UBA2: variants seen among roughly 807,000 people sequenced by gnomAD.
The protein encoded by UBA2 is SUMO-activating enzyme subunit 2.
In UBA2, 11 loss-of-function variants were observed where a neutral mutation model predicts 77.2. The observed-to-expected ratio is 0.14, with a 90% CI of 0.09 to 0.24. UBA2 has a LOEUF of 0.24. Ranked by LOEUF, UBA2 falls within the 10% of genes least tolerant of loss-of-function variation. The probability of loss-of-function intolerance (pLI) is 1.00; values close to 1 mark genes in which losing one functional copy is unlikely to be tolerated. For missense variants in UBA2, 487 were observed against 781.7 expected (o/e 0.62, Z 4.50); for synonymous variants, 278 against 276.7 (o/e 1.00, Z -0.05).
intron 4 of UBA2, among the ~76,000 whole-genome samples, 197 bp downstream of exon 4, chr19:34,433,609 T>C (rs1460307357): frequency 6.6e-6 from 1 of 152,236 alleles, no homozygotes; most frequent in African/African-American, 2.4e-5. Flanking sequence ...TTAGCTATCA[T>C]ATTCTCTGCA....
intron 10 of UBA2, 65 bp from the exon 11 acceptor site, chr19:34,454,195 G>A (rs1348300780): frequency 1.5e-6 from 2 of 1,356,478 alleles, no homozygotes; most frequent in Non-Finnish European, 2.1e-6. Flanking sequence ...GTATTGTTCT[G>A]AAAGTAATGC....
At chr19:34,437,794 C>T (rs1423031251) in intron 5 of UBA2, among the ~76,000 whole-genome samples, 1 of 152,128 alleles carries the variant, frequency 6.6e-6, no homozygotes. Flanking sequence ...TGGCTCACGC[C>T]TGTAATCCCA....
rs375062800 is a variant in UBA2 at position 34,452,016 on chromosome 19, C to T, written c.907C>T (p.Pro303Ser). The change falls in exon 10 of 17, where the codon CCC becomes TCC. Residue 303 changes from proline (P) to serine (S), a missense_variant. Transcript: ENST00000246548. ...GAATGCATCAGATCAACAGAATGAA[C>T]CCCAGTTAGGCCTGAAAGACCAGCA... is the stretch of plus-strand genomic sequence containing the variant. ...ETNASDQQNE[P>S]QLGLKDQQVL... 15 of 1,598,910 alleles carry T rather than the reference C, an allele frequency of 9.4e-6. No homozygotes were observed. In the African/African-American group the frequency reaches 1.9e-4, roughly 20 times the overall value.
At chr19:34,448,246 G>T (rs2075452557) in intron 8 of UBA2, among the ~76,000 whole-genome samples, 1 of 152,118 alleles carries the variant, frequency 6.6e-6, no homozygotes. Flanking sequence ...ACTGGAACAT[G>T]GAGGAGTAGA....
chr19:34,461,974 C>T (rs2075636456), intron 14 of UBA2, among the ~76,000 whole-genome samples: 1 of 152,198 alleles, frequency 6.6e-6, no homozygotes, highest in Admixed American at 6.5e-5. Context: ...GAATGAACAT[C>T]TGTCTACAAA....
intron 15 of UBA2, among the ~76,000 whole-genome samples, chr19:34,465,734 G>T (rs572109093): frequency 4.4e-4 from 67 of 152,120 alleles, no homozygotes; most frequent in African/African-American, 1.6e-3. Context: ...TCCTGCTTCA[G>T]TTGGACACTA....
At position 34,466,967 on chromosome 19, in the gene UBA2, G is replaced by C; in HGVS notation, c.1694G>C (p.Ser565Thr). The C allele has an allele frequency of 1.9e-6, 3 of 1,614,112 alleles. No individual in the cohort carries two copies. The highest frequency in any genetic ancestry group is 2.5e-6 in the Non-Finnish European group (3 of 1,180,024). Reference protein sequence around the residue: ...GPKQAEDAAKSITNGSDDGAQ... With the variant: ...GPKQAEDAAKTITNGSDDGAQ... ...AAACAAGCTGAAGATGCTGCCAAAAGCATAACCAATGGCAGTGATGATGGA... is the reference window on the plus strand; with the variant it reads ...AAACAAGCTGAAGATGCTGCCAAAACCATAACCAATGGCAGTGATGATGGA... The change falls in exon 16 of 17, where the codon AGC (serine) becomes ACC (threonine). Residue 565 changes from serine (S) to threonine (T), a missense_variant. By Grantham distance (58) the Ser-to-Thr change is moderately conservative. Transcript: ENST00000246548.
intron 7 of UBA2, 99 bp from the exon 8 acceptor site, chr19:34,444,901 A>T (rs2075411886): frequency 7.8e-7 from 1 of 1,280,204 alleles, no homozygotes; most frequent in Admixed American, 2.4e-5. Flanking sequence ...GCATTTGGGG[A>T]TTTCCATGAG....
At position 34,469,297 on chromosome 19, in the gene UBA2, C is replaced by G; in HGVS notation, c.*76C>G. 7.5e-7 allele frequency: 1 copy of G among 1,338,518 alleles called. No homozygotes were observed. Among genetic ancestry groups the G allele is most frequent in the Non-Finnish European group, 9.8e-7 (1 of 1,025,214 alleles). 82.9% of individuals were successfully genotyped at this position (1,338,518 alleles called of 1,614,324 possible). ...GAACCAGATTGTTATGTCCTTTGTTCCAAAGGGAAAAAATTGACAGCAGTG... is the reference window on the plus strand; with the variant it reads ...GAACCAGATTGTTATGTCCTTTGTTGCAAAGGGAAAAAATTGACAGCAGTG... On this transcript the variant is annotated 3_prime_UTR_variant, in exon 17 of 17. Transcript: ENST00000246548.
Position 34,458,822 on chromosome 19 carries a change from A to G in UBA2, c.1299A>G (p.Ala433=). ...NPRKKLLVPC[A]LDPPNPNCYV... ...GAAAGAAGCTTCTTGTGCCTTGTGC[A>G]CTGGATCCTCCCAACCCCAATTGTT... The change falls in exon 13 of 17, where the codon GCA becomes GCG. Residue 433 remains alanine (A), a synonymous_variant. Coordinates refer to ENST00000246548, the MANE Select transcript of UBA2 (RefSeq NM_005499.3). 3 of 1,614,098 alleles carry G rather than the reference A, an allele frequency of 1.9e-6. No individual in the cohort carries two copies. The highest frequency in any genetic ancestry group is 1.7e-6 in the Non-Finnish European group (2 of 1,180,008).
chr19:34,457,165 C>CT (rs2075572549), intron 12 of UBA2, among the ~76,000 whole-genome samples: 1 of 8,644 alleles, frequency 1.2e-4, no homozygotes, highest in Non-Finnish European at 2.1e-4. Context: ...CTGGTCTCTA[C>CT]TAAAAAAAAA....
rs543869369 is a variant in UBA2, at chr19:34,445,294, T to G, written c.771+173T>G. ...CAGTCAGGATATGCAAGTTTTAAAA[T>G]GTTACCATCTACACTAAATCTATCA... On this transcript the variant is annotated intron_variant, in intron 8 of 16. Transcript: ENST00000246548. Among the ~76,000 whole-genome samples, 37 of 152,190 alleles carry G rather than the reference T, an allele frequency of 2.4e-4. No homozygotes were observed. The highest frequency in any genetic ancestry group is 1.4e-3 in the East Asian group (7 of 5,174).
intron 9 of UBA2, 82 bp from the exon 10 acceptor site, chr19:34,451,899 G>T (rs1262761599): frequency 1.1e-5 from 8 of 698,904 alleles, no homozygotes; most frequent in African/African-American, 1.9e-5. Flanking sequence ...TTAATGGTCG[G>T]GGATTGAACT....
chr19:34,438,818 G>A, intron 6 of UBA2, 52 bp downstream of exon 6: 1 of 1,601,178 alleles, frequency 6.2e-7, no homozygotes, highest in Non-Finnish European at 8.5e-7. Context: ...ATGGAAAATG[G>A]AGTCATTTTT....
chr19:34,443,746 TCA>T, intron 6 of UBA2, 96 bp from the exon 7 acceptor site: 1 of 869,134 alleles, frequency 1.2e-6, no homozygotes, highest in Non-Finnish European at 1.9e-6. Flanking sequence ...AGCCAGTTGT[TCA>T]GTCTTTATCT....
At chr19:34,429,076 A>C in intron 1 of UBA2, 1 of 985,148 alleles carries the variant, frequency 1.0e-6, no homozygotes, top group Non-Finnish European at 1.2e-6. Context: ...ATACCACCCG[A>C]GGAGTGCAAA....
intron 8 of UBA2, among the ~76,000 whole-genome samples, chr19:34,445,752 A>T (rs1428133381): frequency 1.3e-5 from 2 of 151,852 alleles, no homozygotes; most frequent in Non-Finnish European, 2.9e-5. Context: ...GTTCACTTTT[A>T]TTTCTTGCTC....
Position 34,457,182 on chromosome 19 carries a change from ATATATATATATATAT to A in UBA2, c.1246-1586_1246-1572del, listed in dbSNP as rs1568381608. 7.1e-4 allele frequency among the ~76,000 whole-genome samples: 61 copies of A among 85,624 alleles called. No homozygotes were observed. The East Asian group carries it at 0.013, about 18-fold the overall frequency. The allele number at this position is 85,624 out of a possible 152,430, so 56.2% of individuals were successfully genotyped here. A position where few individuals can be genotyped will look rare whatever the true frequency, so the allele number is the denominator to read the frequency against. Reference sequence around the variant, plus strand: ...GGTCTCTACTAAAAAAAAAAAAAATATATATATATATATATATATATATATATATATAAAATTAGC... The same window carrying A: ...GGTCTCTACTAAAAAAAAAAAAAATAATATATATATATATATAAAATTAGC... On this transcript the variant is annotated intron_variant, in intron 12 of 16. Transcript: ENST00000246548.
chr19:34,454,040 C>G (rs1397995599), intron 10 of UBA2, among the ~76,000 whole-genome samples: 3 of 152,090 alleles, frequency 2.0e-5, no homozygotes, highest in African/African-American at 7.2e-5. Context: ...TTGTCAGACT[C>G]ATTACTGGAC....
Sources: allele counts gnomAD v4.1 joint callset (sites outside exome capture counted in the v4.1 genomes callset), GRCh38; gene constraint gnomAD v4.1.1; transcripts MANE v1.5; gene names NCBI Gene and HGNC (gene_info 2026-07-23, HGNC 2026-07-21).